CTNNA2: variants seen among roughly 807,000 people sequenced by gnomAD.
CTNNA2 encodes catenin alpha-2.
Under a neutral mutation model 101.0 loss-of-function variants are expected in CTNNA2, and 42 were observed. The ratio of observed to expected loss-of-function variants is 0.42; its 90% CI spans 0.32 to 0.54. CTNNA2 has a LOEUF of 0.54. CTNNA2 is among the 20% of genes least tolerant of loss of function. CTNNA2 has a pLI of 0.14. For missense variants in CTNNA2, 871 were observed against 1,223.1 expected (o/e 0.71, Z 4.29); for synonymous variants, 450 against 456.4 (o/e 0.99, Z 0.18).
intron 7 of CTNNA2, among the ~76,000 whole-genome samples, chr2:80,067,722 C>A (rs540230157): frequency 6.6e-6 from 1 of 152,102 alleles, no homozygotes; most frequent in African/African-American, 2.4e-5. Context: ...TAAAAGACAT[C>A]GCGGCTTTCT....
At chr2:79,823,943 T>C (rs1475718054) in intron 3 of CTNNA2, among the ~76,000 whole-genome samples, 2 of 152,096 alleles carry the variant, frequency 1.3e-5, no homozygotes, top group African/African-American at 2.4e-5. Flanking sequence ...ATAAAGACTT[T>C]CCAGGAAGCC....
chr2:80,246,342 C>T (rs1468731002), intron 7 of CTNNA2, among the ~76,000 whole-genome samples: 2 of 152,118 alleles, frequency 1.3e-5, no homozygotes, highest in Non-Finnish European at 2.9e-5. Context: ...TTGGAAGTAG[C>T]AAGGTAAATG....
At chr2:80,426,961 C>T (rs898512641) in intron 9 of CTNNA2, among the ~76,000 whole-genome samples, 1 of 152,026 alleles carries the variant, frequency 6.6e-6, no homozygotes, top group Non-Finnish European at 1.5e-5. Context: ...TCATGACATC[C>T]CTTTTACTTT....
chr2:80,382,448 G>C (rs959223426), intron 7 of CTNNA2, among the ~76,000 whole-genome samples: 1 of 152,068 alleles, frequency 6.6e-6, no homozygotes, highest in Admixed American at 6.6e-5. Flanking sequence ...GTCTGACATC[G>C]GAAATTCAAT....
chr2:80,063,468 C>T (rs937961981), intron 7 of CTNNA2, among the ~76,000 whole-genome samples: 5 of 152,216 alleles, frequency 3.3e-5, no homozygotes, highest in African/African-American at 9.6e-5. Context: ...AGAAGAATCT[C>T]ACAATGTTTA....
At chr2:79,310,031 A>G (rs541488898) in intron 2 of CTNNA2, among the ~76,000 whole-genome samples, 10 of 152,330 alleles carry the variant, frequency 6.6e-5, no homozygotes, top group African/African-American at 2.2e-4. Context: ...GCCAGTATAA[A>G]GATACTATTG....
intron 7 of CTNNA2, among the ~76,000 whole-genome samples, chr2:80,380,984 C>A (rs945676564): frequency 1.1e-4 from 17 of 152,094 alleles, no homozygotes; most frequent in African/African-American, 4.1e-4. Flanking sequence ...AACTGTCATG[C>A]TACAAAAATT....
intron 7 of CTNNA2, among the ~76,000 whole-genome samples, chr2:80,217,146 A>C (rs1573421132): frequency 6.6e-6 from 1 of 152,068 alleles, no homozygotes; most frequent in African/African-American, 2.4e-5. Context: ...TCTACTTCTT[A>C]GAGGCCCCAC....
intron 7 of CTNNA2, among the ~76,000 whole-genome samples, chr2:79,929,724 A>C (rs1345938405): frequency 1.3e-5 from 2 of 152,156 alleles, no homozygotes; most frequent in East Asian, 1.9e-4. Context: ...TCTTTGGTCC[A>C]TTTTATACAA....
In CTNNA2 at chr2:80,574,222, C is replaced by T. The variant is rs1694850197; in HGVS notation, c.1801C>T (p.Pro601Ser). Residue 601 changes from proline (P) to serine (S), a missense_variant, in exon 13 of 19, where the codon CCT (proline) becomes TCT (serine). By Grantham distance (74) the Pro-to-Ser change is moderately conservative. Around this residue, in one of 5 missense-constraint regions of CTNNA2, gnomAD observed 647 missense variants for 831.5 expected, o/e 0.78. Coordinates refer to ENST00000402739, the MANE Select transcript of CTNNA2 (RefSeq NM_001282597.3). Reference sequence around the variant, plus strand: ...CATTGAAGCCCTGAGTGCCAACGTTCCTCAACCGTTTGAGGAGAATGAGTT... The same window carrying T: ...CATTGAAGCCCTGAGTGCCAACGTTTCTCAACCGTTTGAGGAGAATGAGTT... ...VAIEALSANVPQPFEENEFID... is the reference protein window; with the variant it reads ...VAIEALSANVSQPFEENEFID... The T allele has an allele frequency of 6.2e-7, 1 of 1,613,622 alleles. No homozygotes were observed. Among genetic ancestry groups the T allele is most frequent in the African/African-American group, 1.3e-5 (1 of 74,892 alleles).
chr2:80,187,267 G>T (rs769196542), intron 7 of CTNNA2, among the ~76,000 whole-genome samples: 1 of 152,200 alleles, frequency 6.6e-6, no homozygotes, highest in African/African-American at 2.4e-5. Context: ...AATGTTGATA[G>T]CATTACATCT....
At chr2:79,975,486 C>A (rs1452174125) in intron 7 of CTNNA2, among the ~76,000 whole-genome samples, 1 of 152,054 alleles carries the variant, frequency 6.6e-6, no homozygotes, top group Non-Finnish European at 1.5e-5. Context: ...CGGTTCTGAC[C>A]TAGAGGTAGT....
chr2:79,627,605 T>C (rs1679405602), intron 1 of CTNNA2, among the ~76,000 whole-genome samples: 2 of 152,244 alleles, frequency 1.3e-5, no homozygotes, highest in Admixed American at 1.3e-4. Flanking sequence ...TCCCGTGTAA[T>C]ATCATGGTAC....
chr2:80,131,899 G>A (rs1170097516), intron 7 of CTNNA2, among the ~76,000 whole-genome samples: 3 of 152,024 alleles, frequency 2.0e-5, no homozygotes, highest in South Asian at 2.1e-4. Context: ...TGGCTAACAT[G>A]GTGAAACCCC....
At chr2:80,329,951 C>G (rs192845043) in intron 7 of CTNNA2, among the ~76,000 whole-genome samples, 1 of 152,368 alleles carries the variant, frequency 6.6e-6, no homozygotes, top group East Asian at 1.9e-4. Context: ...TTATAACTGG[C>G]TTATGGCTCT....
At chr2:80,062,744 C>T (rs1054676923) in intron 7 of CTNNA2, among the ~76,000 whole-genome samples, 24 of 142,332 alleles carry the variant, frequency 1.7e-4, no homozygotes, top group African/African-American at 4.7e-4. Context: ...CTCACTCTGT[C>T]GCCCAGGCTG....
intron 9 of CTNNA2, among the ~76,000 whole-genome samples, chr2:80,425,771 T>G (rs969709168): frequency 1.6e-4 from 25 of 152,170 alleles, no homozygotes; most frequent in Admixed American, 5.9e-4. Flanking sequence ...AAATAGAGTC[T>G]ATGAAGTGAT....
intron 2 of CTNNA2, among the ~76,000 whole-genome samples, chr2:79,666,516 T>C (rs1423053882): frequency 6.6e-6 from 1 of 152,206 alleles, no homozygotes; most frequent in Non-Finnish European, 1.5e-5. Flanking sequence ...TAGATATCCA[T>C]ATACCACGTT....
chr2:79,946,830 C>T lies in CTNNA2; in HGVS notation c.1056+37033C>T, dbSNP rs150286134. ...TTCAGAAAGTCACTTTCAGGGTCAG[C>T]ACAATGAGCCAAAGCTTCTGTTGTT... On this transcript the variant is annotated intron_variant, in intron 7 of 18. Coordinates refer to ENST00000402739, the MANE Select transcript of CTNNA2 (RefSeq NM_001282597.3). 1.9e-3 allele frequency among the ~76,000 whole-genome samples: 285 copies of T among 152,260 alleles called. 2 individuals are homozygous for T. Among genetic ancestry groups the T allele is most frequent in the African/African-American group, 6.3e-3 (263 of 41,556 alleles).
Sources: allele counts gnomAD v4.1 joint callset (sites outside exome capture counted in the v4.1 genomes callset), GRCh38; gene constraint gnomAD v4.1.1; regional missense constraint gnomAD v4.1.1; transcripts MANE v1.5; gene names NCBI Gene and HGNC (gene_info 2026-07-23, HGNC 2026-07-21).